The following ADGRB3 variants were observed in gnomAD, a reference collection of about 807,000 sequenced individuals.
ADGRB3 encodes brain-specific angiogenesis inhibitor 3.
ADGRB3 carries 37 observed loss-of-function variants against 193.4 expected under a neutral mutation model. The ratio of observed to expected loss-of-function variants is 0.19; its 90% CI spans 0.15 to 0.25. The LOEUF (loss-of-function observed/expected upper bound fraction) is 0.25. ADGRB3 is among the 10% of genes least tolerant of loss of function. The pLI, the probability that ADGRB3 is intolerant of heterozygous loss-of-function variation, is 1.00. For missense variants in ADGRB3, 1,637 were observed against 1,852.9 expected (o/e 0.88, Z 2.14); for synonymous variants, 690 against 644.2 (o/e 1.07, Z -1.08).
chr6:69,007,467 C>G (rs1378492074), intron 11 of ADGRB3, among the ~76,000 whole-genome samples: 1 of 152,050 alleles, frequency 6.6e-6, no homozygotes, highest in Non-Finnish European at 1.5e-5. Context: ...CTCTTCAACT[C>G]TAGTTACGTT....
At chr6:68,817,037 G>T (rs938677076) in intron 3 of ADGRB3, among the ~76,000 whole-genome samples, 13 of 151,762 alleles carry the variant, frequency 8.6e-5, no homozygotes, top group African/African-American at 2.9e-4. Flanking sequence ...ATATAAACTT[G>T]TATTTCATGC....
At chr6:68,665,312 G>C (rs1768774660) in intron 3 of ADGRB3, among the ~76,000 whole-genome samples, 1 of 151,744 alleles carries the variant, frequency 6.6e-6, no homozygotes, top group Non-Finnish European at 1.5e-5. Flanking sequence ...GCTGTAAATG[G>C]ATAGTTTTTC....
intron 20 of ADGRB3, among the ~76,000 whole-genome samples, chr6:69,315,397 C>A (rs909799312): frequency 3.3e-5 from 5 of 151,472 alleles, no homozygotes; most frequent in African/African-American, 1.2e-4. Context: ...AAGATGCAGT[C>A]AAACATCTTC....
At chr6:68,909,656 T>C (rs533297535) in intron 3 of ADGRB3, among the ~76,000 whole-genome samples, 32 of 152,332 alleles carry the variant, frequency 2.1e-4, no homozygotes, top group African/African-American at 7.5e-4. Context: ...AACTTTGTCA[T>C]GCATTTTTAG....
intron 3 of ADGRB3, among the ~76,000 whole-genome samples, chr6:68,912,676 T>C (rs1236832882): frequency 2.0e-5 from 3 of 152,170 alleles, no homozygotes; most frequent in South Asian, 2.1e-4. Flanking sequence ...ATTTCATCCA[T>C]GTCCCTACAA....
chr6:68,868,269 T>G (rs508591), intron 3 of ADGRB3, among the ~76,000 whole-genome samples: 128,615 of 152,034 alleles, frequency 0.85, 54,704 homozygotes, highest in Middle Eastern at 0.94. Context: ...AAAGTGTGTG[T>G]CATCCCCCAC....
At chr6:69,077,551 C>T (rs1351002000) in intron 17 of ADGRB3, among the ~76,000 whole-genome samples, 5 of 151,866 alleles carry the variant, frequency 3.3e-5, no homozygotes, top group Non-Finnish European at 7.4e-5. Context: ...GACACTGCAA[C>T]AAGAGATAGT....
At chr6:69,336,639 T>C (rs1768855031) in intron 24 of ADGRB3, among the ~76,000 whole-genome samples, 1 of 152,082 alleles carries the variant, frequency 6.6e-6, no homozygotes, top group Admixed American at 6.5e-5. Flanking sequence ...TTTGCTTCTA[T>C]AATGTGATCC....
chr6:68,967,136 A>T (rs1261412213), intron 8 of ADGRB3, among the ~76,000 whole-genome samples: 1 of 152,192 alleles, frequency 6.6e-6, no homozygotes, highest in Non-Finnish European at 1.5e-5. Context: ...TTTAAAAATA[A>T]TAATAATTTG....
chr6:68,943,473 A>G (rs1170418063), intron 5 of ADGRB3, among the ~76,000 whole-genome samples: 1 of 152,100 alleles, frequency 6.6e-6, no homozygotes, highest in Non-Finnish European at 1.5e-5. Flanking sequence ...TATCTCTGTT[A>G]TAAGAGATTT....
intron 3 of ADGRB3, among the ~76,000 whole-genome samples, chr6:68,856,892 C>G (rs1263630623): frequency 6.6e-6 from 1 of 152,212 alleles, no homozygotes; most frequent in African/African-American, 2.4e-5. Flanking sequence ...GGGCCAGGCC[C>G]TGGGCTCTCC....
intron 20 of ADGRB3, among the ~76,000 whole-genome samples, chr6:69,312,017 A>G (rs1768206063): frequency 6.6e-6 from 1 of 151,742 alleles, no homozygotes; most frequent in Non-Finnish European, 1.5e-5. Flanking sequence ...ACTTCTTTAG[A>G]GAAAGGTGAG....
At chr6:68,782,820 G>C (rs1269717116) in intron 3 of ADGRB3, among the ~76,000 whole-genome samples, 3 of 151,268 alleles carry the variant, frequency 2.0e-5, no homozygotes, top group Non-Finnish European at 4.4e-5. Context: ...TGATGGGGTT[G>C]TTTGTTTTTT....
At chr6:69,179,805 A>C (rs574919248) in intron 17 of ADGRB3, among the ~76,000 whole-genome samples, 1 of 152,264 alleles carries the variant, frequency 6.6e-6, no homozygotes, top group East Asian at 1.9e-4. Context: ...AGTTTGACTT[A>C]CAAGCCAGTA....
In ADGRB3 at chr6:69,223,329, C is replaced by T. The variant is rs186076337; in HGVS notation, c.2481-9961C>T. Among the ~76,000 whole-genome samples, 3 of 152,244 alleles carry T rather than the reference C, an allele frequency of 2.0e-5. No homozygotes were observed. In the East Asian group the frequency reaches 5.8e-4, roughly 29 times the overall value. ...TATCAAAATCACATATTCCTGGCCC[C>T]ATCCCAGAACTAATGAAGCAGAGTT... On this transcript the variant is annotated intron_variant, in intron 17 of 31. Transcript: ENST00000370598.
chr6:69,227,839 A>G (rs1766051271), intron 17 of ADGRB3, among the ~76,000 whole-genome samples: 1 of 152,222 alleles, frequency 6.6e-6, no homozygotes. Context: ...GACCCTATTA[A>G]GAGCTATTGA....
At chr6:69,363,974 A>G (rs923867358) in intron 29 of ADGRB3, among the ~76,000 whole-genome samples, 1 of 152,020 alleles carries the variant, frequency 6.6e-6, no homozygotes, top group Non-Finnish European at 1.5e-5. Flanking sequence ...TGAGTCTTAG[A>G]AGATAATGTT....
At chr6:68,970,216 A>G (rs1008655781) in intron 8 of ADGRB3, among the ~76,000 whole-genome samples, 6 of 152,034 alleles carry the variant, frequency 3.9e-5, no homozygotes, top group African/African-American at 1.4e-4. Context: ...GTACTCAAGT[A>G]ATTTTTTGTT....
intron 15 of ADGRB3, among the ~76,000 whole-genome samples, chr6:69,061,328 G>A (rs1426848911): frequency 3.3e-5 from 5 of 151,392 alleles, no homozygotes; most frequent in South Asian, 4.2e-4. Flanking sequence ...GAATAACTCC[G>A]CATTTTTTTC....
Sources: allele counts gnomAD v4.1 joint callset (sites outside exome capture counted in the v4.1 genomes callset), GRCh38; gene constraint gnomAD v4.1.1; transcripts MANE v1.5; gene names NCBI Gene and HGNC (gene_info 2026-07-23, HGNC 2026-07-21).